IPO7: variants seen among roughly 807,000 people sequenced by gnomAD.
IPO7 encodes the protein importin 7, also known as importin-7.
A neutral mutation model predicts 136.4 loss-of-function variants in IPO7; 13 were observed. The observed-to-expected ratio is 0.10, with a 90% confidence interval of 0.06 to 0.15. The LOEUF (loss-of-function observed/expected upper bound fraction) is 0.15. Among genes scored for constraint, IPO7 ranks in the 10% least tolerant of loss-of-function variants. The pLI, the probability that IPO7 is intolerant of heterozygous loss-of-function variation, is 1.00. For missense variants in IPO7, 857 were observed against 1,240.6 expected (o/e 0.69, Z 4.65); for synonymous variants, 403 against 404.4 (o/e 1.00, Z 0.04).
At position 9,429,846 on chromosome 11, in the gene IPO7, G is replaced by T; in HGVS notation, c.1752+12G>T. Reference sequence around the variant, plus strand: ...TGACACAACATTTGGTATGTTGTTTGAACCTACCATATTTGCAAGCATTTT... The same window carrying T: ...TGACACAACATTTGGTATGTTGTTTTAACCTACCATATTTGCAAGCATTTT... On this transcript the variant is annotated intron_variant, in intron 15 of 24. Transcript: ENST00000379719. The T allele has an allele frequency of 1.3e-6, 2 of 1,562,996 alleles. No homozygotes were observed. Among genetic ancestry groups the T allele is most frequent in the South Asian group, 2.4e-5 (2 of 84,578 alleles).
intron 24 of IPO7, among the ~76,000 whole-genome samples, chr11:9,442,462 G>A (rs902287459): frequency 1.3e-5 from 2 of 151,904 alleles, no homozygotes; most frequent in African/African-American, 2.4e-5. Flanking sequence ...CGCCCAGGCT[G>A]TAGTGCAGTG....
chr11:9,422,741 A>C (rs1456015936), intron 8 of IPO7, among the ~76,000 whole-genome samples: 6 of 152,184 alleles, frequency 3.9e-5, no homozygotes, highest in Admixed American at 3.9e-4. Context: ...TGAGGCCAGG[A>C]GTTAGAGACC....
At chr11:9,399,114 A>G (rs1854756303) in intron 1 of IPO7, among the ~76,000 whole-genome samples, 1 of 151,558 alleles carries the variant, frequency 6.6e-6, no homozygotes, top group South Asian at 2.1e-4. Context: ...ATTAAGAGGG[A>G]TGATAGTCAC....
chr11:9,435,278 C>A (rs1855353758), intron 19 of IPO7, among the ~76,000 whole-genome samples: 1 of 151,844 alleles, frequency 6.6e-6, no homozygotes, highest in Admixed American at 6.6e-5. Flanking sequence ...GTTTAACTAA[C>A]ATAGTCTTAT....
chr11:9,408,703 GGTTT>G, intron 3 of IPO7, 64 bp downstream of exon 3: 6 of 411,312 alleles, frequency 1.5e-5, no homozygotes, highest in Non-Finnish European at 1.1e-5. Context: ...TTTGTTTTTT[GGTTT>G]TTTTTTTTTT....
intron 2 of IPO7, among the ~76,000 whole-genome samples, chr11:9,407,430 T>G (rs1854903020): frequency 6.6e-6 from 1 of 152,124 alleles, no homozygotes; most frequent in Admixed American, 6.5e-5. Context: ...GGTGCATGCC[T>G]GTAAACCCAG....
chr11:9,416,406 C>G (rs919393802), intron 5 of IPO7, among the ~76,000 whole-genome samples: 2 of 152,120 alleles, frequency 1.3e-5, no homozygotes, highest in African/African-American at 4.8e-5. Context: ...CTAGGAGGAT[C>G]ATAACTTTTG....
intron 5 of IPO7, among the ~76,000 whole-genome samples, chr11:9,415,198 T>G (rs369203870): frequency 2.6e-5 from 4 of 151,938 alleles, no homozygotes; most frequent in African/African-American, 9.6e-5. Context: ...GGTACATACC[T>G]GTAAACTCTG....
At chr11:9,426,881 C>T (rs1855216815) in intron 12 of IPO7, among the ~76,000 whole-genome samples, 1 of 150,904 alleles carries the variant, frequency 6.6e-6, no homozygotes, top group East Asian at 1.9e-4. Flanking sequence ...GCCTCAGCCT[C>T]CCAAGTAGCT....
At chr11:9,393,296 T>C (rs907689284) in intron 1 of IPO7, among the ~76,000 whole-genome samples, 10 of 152,224 alleles carry the variant, frequency 6.6e-5, no homozygotes, top group Non-Finnish European at 1.5e-4. Context: ...AAAAGCAGAC[T>C]GGAGATTTTG....
chr11:9,424,893 A>G, intron 10 of IPO7, 21 bp from the exon 11 acceptor site: 1 of 1,466,492 alleles, frequency 6.8e-7, no homozygotes, highest in Non-Finnish European at 9.5e-7. Context: ...TTATTGTCTT[A>G]ATTTTAAACT....
At position 9,420,442 on chromosome 11, in the gene IPO7, C is replaced by G. The variant is rs1347062420; in HGVS notation, c.758C>G (p.Pro253Arg). 1 of 1,611,524 alleles carries G rather than the reference C, an allele frequency of 6.2e-7. No individual in the cohort carries two copies. Among genetic ancestry groups the G allele is most frequent in the African/African-American group, 1.3e-5 (1 of 74,812 alleles). ...CTTCAAGTTGAAGAAGATGATCGAC[C>G]TGAGTTACCATGGTGGAAATGCAAG... is the stretch of plus-strand genomic sequence containing the variant. ...ETLQVEEDDRPELPWWKCKKW... is the reference protein window; with the variant it reads ...ETLQVEEDDRRELPWWKCKKW... The change falls in exon 7 of 25, where the codon CCT becomes CGT. Residue 253 changes from proline to arginine, a missense_variant. By Grantham distance (103) the Pro-to-Arg change is moderately radical (BLOSUM62 -2). This residue lies in a region of IPO7 where 287 missense variants were observed against 307.5 expected (regional missense o/e 0.93). Transcript: ENST00000379719.
At chr11:9,442,786 G>A (rs1855476646) in intron 24 of IPO7, among the ~76,000 whole-genome samples, 1 of 151,962 alleles carries the variant, frequency 6.6e-6, no homozygotes, top group Non-Finnish European at 1.5e-5. Flanking sequence ...ACTTTGGGAG[G>A]CCACGGTGGG....
chr11:9,397,583 G>A (rs1417083799), intron 1 of IPO7, among the ~76,000 whole-genome samples: 2 of 150,946 alleles, frequency 1.3e-5, no homozygotes, highest in Non-Finnish European at 2.9e-5. Context: ...TTTAATCTGG[G>A]GTTCTAATCA....
At chr11:9,387,066 A>G (rs921666605) in intron 1 of IPO7, among the ~76,000 whole-genome samples, 1 of 152,208 alleles carries the variant, frequency 6.6e-6, no homozygotes, top group Non-Finnish European at 1.5e-5. Flanking sequence ...TTTGGGAGAC[A>G]GATCTCAGAC....
rs1256216265 is a variant in IPO7 at position 9,419,559 on chromosome 11, A to AAAAAAAAAATAT, written c.727-851_727-850insAAAAAAAATATA. On this transcript the variant is annotated intron_variant, in intron 6 of 24. Transcript: ENST00000379719. ...GAGACTCTGTCTAAAAAAAAAAAAAAATATATATATATATATATATATATA... is the reference window on the plus strand; with the variant it reads ...GAGACTCTGTCTAAAAAAAAAAAAAAAAAAAAAAATATATATATATATATATATATATATATA... 2.1e-3 allele frequency among the ~76,000 whole-genome samples: 249 copies of AAAAAAAAAATAT among 116,810 alleles called. 3 individuals carry two copies. Among genetic ancestry groups the AAAAAAAAAATAT allele is most frequent in the African/African-American group, 8.9e-3 (237 of 26,632 alleles). 76.6% of individuals were successfully genotyped at this position (116,810 alleles called of 152,430 possible).
At chr11:9,419,440 C>T (rs868068432) in intron 6 of IPO7, among the ~76,000 whole-genome samples, 9 of 150,806 alleles carry the variant, frequency 6.0e-5, no homozygotes, top group Middle Eastern at 3.4e-3. Context: ...CCCAGCTACT[C>T]GGGAGGCTGA....
At chr11:9,427,476 T>C (rs1855229105) in intron 12 of IPO7, among the ~76,000 whole-genome samples, 2 of 152,172 alleles carry the variant, frequency 1.3e-5, no homozygotes, top group Admixed American at 1.3e-4. Flanking sequence ...GCCTGGCTGG[T>C]CTCGAACTCC....
chr11:9,425,956 G>T (rs1413507544), intron 12 of IPO7, among the ~76,000 whole-genome samples: 4 of 151,900 alleles, frequency 2.6e-5, no homozygotes, highest in South Asian at 2.1e-4. Context: ...TGAGGCAGGA[G>T]AATCACTTGA....
Sources: allele counts gnomAD v4.1 joint callset (sites outside exome capture counted in the v4.1 genomes callset), GRCh38; gene constraint gnomAD v4.1.1; regional missense constraint gnomAD v4.1.1; transcripts MANE v1.5; gene names NCBI Gene and HGNC (gene_info 2026-07-23, HGNC 2026-07-21).